NR4A1: variants seen among roughly 807,000 people sequenced by gnomAD.
The protein encoded by NR4A1 is nuclear receptor subfamily 4 group A member 1, also known as nuclear receptor subfamily 4immunitygroup A member 1.
A neutral mutation model predicts 47.5 loss-of-function variants in NR4A1; 24 were observed. That is an observed-to-expected ratio of 0.50 (90% CI 0.37 to 0.71). The LOEUF is 0.71. NR4A1 is among the 30% of genes least tolerant of loss of function. The probability of loss-of-function intolerance (pLI) is 0.00; values close to 1 mark genes in which losing one functional copy is unlikely to be tolerated. For missense variants in NR4A1, 669 were observed against 788.6 expected, an observed-to-expected ratio of 0.85 and a Z score of 1.82; for synonymous variants, 353 against 345.7, an observed-to-expected ratio of 1.02 and a Z score of -0.24.
At chr12:52,046,779 C>T (rs986487959), upstream of NR4A1, among the ~76,000 whole-genome samples, 51 of 152,108 alleles carry the variant, frequency 3.4e-4, no homozygotes, top group African/African-American at 1.2e-3. Flanking sequence ...GTCAGGAGAT[C>T]GAGACCATCC....
At chr12:52,051,624 T>C in intron 1 of NR4A1, 56 bp downstream of exon 1, 5 of 907,606 alleles carry the variant, frequency 5.5e-6, no homozygotes, top group East Asian at 1.2e-4. Flanking sequence ...ATGAAGGAGA[T>C]GGGTGTACGC....
intron 3 of NR4A1, 86 bp from the exon 4 acceptor site, chr12:52,056,408 G>A (rs2701123): frequency 2.1e-5 from 32 of 1,533,506 alleles, no homozygotes; most frequent in Admixed American, 4.5e-5. Flanking sequence ...TCGGTGGGGC[G>A]CGTCTCAGCA....
upstream of NR4A1, chr12:52,051,335 C>T (rs1025770490): frequency 2.1e-6 from 2 of 942,400 alleles, no homozygotes; most frequent in Non-Finnish European, 2.5e-6. Flanking sequence ...CACCGCCCCC[C>T]GCGCCCTTGT....
At chr12:52,037,775 C>G (rs1938292051) in intron 1 of NR4A1, 1 of 985,352 alleles carries the variant, frequency 1.0e-6, no homozygotes, top group African/African-American at 1.7e-5. Flanking sequence ...CCAGGAGACC[C>G]AGCCGGGAGG....
chr12:52,055,974 T>TTCCCCCCC, intron 2 of NR4A1, 56 bp from the exon 3 acceptor site: 2 of 516,354 alleles, frequency 3.9e-6, no homozygotes, highest in Admixed American at 3.6e-5. Context: ...TCCCCTAAGT[T>TTCCCCCCC]CCCCCCTCCC....
intron 1 of NR4A1, among the ~76,000 whole-genome samples, chr12:52,038,992 G>A (rs118095273): frequency 0.022 from 3,304 of 152,314 alleles, 50 homozygotes; most frequent in South Asian, 0.054. Flanking sequence ...CAGGGGGAGC[G>A]AGAATGCCTG....
chr12:52,042,429 C>T (rs1938474198), intron 2 of NR4A1, among the ~76,000 whole-genome samples: 2 of 151,980 alleles, frequency 1.3e-5, no homozygotes, highest in Non-Finnish European at 2.9e-5. Flanking sequence ...TGTGGCAGGC[C>T]AGAGGGCCTA....
At chr12:52,051,286 C>T, upstream of NR4A1, 1 of 430,070 alleles carries the variant, frequency 2.3e-6, no homozygotes, top group Non-Finnish European at 3.1e-6. Context: ...TCGGGCTCCC[C>T]GGGCCGCACC....
intron 3 of NR4A1, 127 bp downstream of exon 3, chr12:52,056,286 A>C: frequency 7.0e-7 from 1 of 1,433,162 alleles, no homozygotes; most frequent in Admixed American, 2.4e-5. Context: ...CCCACCTCTG[A>C]ACCCCAGGCC....
chr12:52,048,127 C>T (rs775398554), upstream of NR4A1, among the ~76,000 whole-genome samples: 4 of 151,414 alleles, frequency 2.6e-5, no homozygotes, highest in Non-Finnish European at 4.4e-5. Flanking sequence ...TCACTCTAGC[C>T]TGGGCGACAG....
intron 1 of NR4A1, among the ~76,000 whole-genome samples, chr12:52,026,445 A>G (rs995394619): frequency 6.6e-6 from 1 of 152,230 alleles, no homozygotes; most frequent in African/African-American, 2.4e-5. Context: ...ATTATAGCCA[A>G]CACTTACATG....
At chr12:52,052,325 GAGAA>G (rs1441308882) in intron 1 of NR4A1, 23 of 163,690 alleles carry the variant, frequency 1.4e-4, no homozygotes, top group Non-Finnish European at 2.5e-4. Flanking sequence ...GAGAGAGAGA[GAGAA>G]AGAGAGACAG....
rs1230387694 is a variant in NR4A1 at position 52,058,950 on chromosome 12, G to T, written c.*6G>T. 6.2e-7 allele frequency: 1 copy of T among 1,607,262 alleles called. No individual in the cohort carries two copies. Among genetic ancestry groups the T allele is most frequent in the Admixed American group, 1.7e-5 (1 of 59,844 alleles). On this transcript the variant is annotated 3_prime_UTR_variant, in exon 7 of 7. Coordinates refer to ENST00000394825, the MANE Select transcript of NR4A1 (RefSeq NM_173157.3). ...TGGACACGCTGCCCTTCTGACCCCT[G>T]CCTGGGAACACGTGTGCACATGCGC...
chr12:52,033,182 C>T (rs1036521864), intron 1 of NR4A1, among the ~76,000 whole-genome samples: 1 of 152,194 alleles, frequency 6.6e-6, no homozygotes, highest in African/African-American at 2.4e-5. Flanking sequence ...CCACCCCGCC[C>T]AGCCCGGCCG....
At chr12:52,032,544 T>C (rs1938148541) in intron 1 of NR4A1, among the ~76,000 whole-genome samples, 1 of 152,238 alleles carries the variant, frequency 6.6e-6, no homozygotes, top group African/African-American at 2.4e-5. Flanking sequence ...TGGCACTTAC[T>C]GCTTATGTGC....
Position 52,056,908 on chromosome 12 carries a change from A to C in NR4A1, c.1159-149A>C, listed in dbSNP as rs1039132816. 3.5e-6 allele frequency: 3 copies of C among 853,160 alleles called. No homozygotes were observed. The African/African-American group carries it at 5.1e-5, about 15-fold the overall frequency. The allele number at this position is 853,160 out of a possible 1,614,324, so 52.8% of individuals were successfully genotyped here. On this transcript the variant is annotated intron_variant, in intron 4 of 6. Coordinates refer to ENST00000394825, the MANE Select transcript of NR4A1 (RefSeq NM_173157.3). ...TTGGCAGCTGCAGCCCTGGGTTAAT[A>C]TGTGAGACTTGGCAAGTGAGAGCCT... is the stretch of plus-strand genomic sequence containing the variant.
At chr12:52,027,583 C>T (rs1180557345) in intron 1 of NR4A1, among the ~76,000 whole-genome samples, 1 of 152,224 alleles carries the variant, frequency 6.6e-6, no homozygotes. Context: ...AGCTCTGCTG[C>T]TCTGAGTCCT....
At chr12:52,034,272 A>G (rs1469370705) in intron 1 of NR4A1, among the ~76,000 whole-genome samples, 1 of 152,150 alleles carries the variant, frequency 6.6e-6, no homozygotes, top group East Asian at 1.9e-4. Flanking sequence ...TTCTACCCCA[A>G]TGCCAGCTCA....
In NR4A1 at chr12:52,054,452, G is replaced by A; in HGVS notation, c.124G>A (p.Ala42Thr). 1 of 1,613,622 alleles carries A rather than the reference G, an allele frequency of 6.2e-7. No homozygotes were observed. Among genetic ancestry groups the A allele is most frequent in the Non-Finnish European group, 8.5e-7 (1 of 1,179,964 alleles). The change falls in exon 2 of 7, where the codon GCA becomes ACA. Residue 42 changes from alanine (A) to threonine (T), a missense_variant. By Grantham distance (58) the Ala-to-Thr change is moderately conservative (BLOSUM62 0). Coordinates refer to ENST00000394825, the MANE Select transcript of NR4A1 (RefSeq NM_173157.3). Reference sequence around the variant, plus strand: ...CACCATGGACCTGGCCAGCCCCGAGGCAGCCCCCGCTGCCCCCACTGCCCT... The same window carrying A: ...CACCATGGACCTGGCCAGCCCCGAGACAGCCCCCGCTGCCCCCACTGCCCT... ...KPTMDLASPE[A>T]APAAPTALPS...
Sources: allele counts gnomAD v4.1 joint callset (sites outside exome capture counted in the v4.1 genomes callset), GRCh38; gene constraint gnomAD v4.1.1; transcripts MANE v1.5; gene names NCBI Gene and HGNC (gene_info 2026-07-23, HGNC 2026-07-21).